RTN4RL1: variants seen among roughly 807,000 people sequenced by gnomAD.
RTN4RL1 encodes the protein reticulon 4 receptor like 1.
A neutral mutation model predicts 25.6 loss-of-function variants in RTN4RL1; 7 were observed. The ratio of observed to expected loss-of-function variants is 0.27; its 90% CI spans 0.16 to 0.51. The LOEUF is 0.51. Among genes scored for constraint, RTN4RL1 ranks in the 20% least tolerant of loss-of-function variants. The pLI, the probability that RTN4RL1 is intolerant of heterozygous loss-of-function variation, is 0.97. For missense variants in RTN4RL1, 500 were observed against 615.6 expected (o/e 0.81, Z 1.99); for synonymous variants, 297 against 288.2 (o/e 1.03, Z -0.31).
chr17:1,989,165 G>A (rs1440327891), intron 1 of RTN4RL1, among the ~76,000 whole-genome samples: 11 of 152,116 alleles, frequency 7.2e-5, no homozygotes, highest in Admixed American at 5.2e-4. Flanking sequence ...GACGGTTAGC[G>A]GCGGCGGGGG....
At chr17:1,996,988 A>T (rs4790860) in intron 1 of RTN4RL1, among the ~76,000 whole-genome samples, 151,375 of 152,328 alleles carry the variant, frequency 0.99, 75,239 homozygotes, top group Middle Eastern at 1. Context: ...GGGACCAGCC[A>T]CCCTTGTGTA....
intron 1 of RTN4RL1, among the ~76,000 whole-genome samples, chr17:2,005,942 G>A (rs547351042): frequency 6.6e-5 from 10 of 151,096 alleles, no homozygotes; most frequent in Non-Finnish European, 1.3e-4. Context: ...GACCACCGGT[G>A]CATGCCGCCA....
intron 1 of RTN4RL1, among the ~76,000 whole-genome samples, chr17:1,986,853 C>T (rs2066889620): frequency 2.6e-5 from 4 of 152,102 alleles, no homozygotes; most frequent in Admixed American, 2.6e-4. Flanking sequence ...AGGCTCTGCC[C>T]ACCACATGAC....
intron 1 of RTN4RL1, among the ~76,000 whole-genome samples, chr17:1,979,878 G>A (rs2066859822): frequency 6.6e-6 from 1 of 152,066 alleles, no homozygotes; most frequent in Admixed American, 6.5e-5. Flanking sequence ...GCTCAGACCC[G>A]GAATTGCGTG....
chr17:1,944,602 G>A (rs1168014109), intron 1 of RTN4RL1, among the ~76,000 whole-genome samples: 1 of 151,990 alleles, frequency 6.6e-6, no homozygotes, highest in Non-Finnish European at 1.5e-5. Context: ...GATTACAGGT[G>A]CCCACCACCA....
chr17:1,939,080 C>T (rs192629272), intron 1 of RTN4RL1, among the ~76,000 whole-genome samples: 2,425 of 151,414 alleles, frequency 0.016, 38 homozygotes, highest in Non-Finnish European at 0.025. Context: ...AGGCCGGGAG[C>T]AGTGGCTCAC....
intron 1 of RTN4RL1, among the ~76,000 whole-genome samples, chr17:1,956,559 G>C (rs1172392848): frequency 6.6e-6 from 1 of 152,176 alleles, no homozygotes; most frequent in African/African-American, 2.4e-5. Flanking sequence ...AGAGACTGCA[G>C]AGTATCCCAC....
chr17:1,959,046 G>C (rs147733080), intron 1 of RTN4RL1, among the ~76,000 whole-genome samples: 5 of 152,228 alleles, frequency 3.3e-5, no homozygotes, highest in Non-Finnish European at 5.9e-5. Flanking sequence ...GCCGGTGGGC[G>C]AGCGGGAATC....
rs141073878 is a variant in RTN4RL1 at position 1,968,879 on chromosome 17, C to T, written c.14-31071G>A. Among the ~76,000 whole-genome samples the T allele has an allele frequency of 1.9e-3, 295 of 152,260 alleles. 4 individuals are homozygous for T. In the South Asian group the frequency reaches 0.023, roughly 12 times the overall value. On this transcript the variant is annotated intron_variant, in intron 1 of 1. Coordinates refer to ENST00000331238, the MANE Select transcript of RTN4RL1 (RefSeq NM_178568.4). ...TGTCAGTTTACATGTAGGTATCTAT[C>T]GCCGAGTGACAGACTAGAGGCACAA... is the stretch of plus-strand genomic sequence containing the variant.
At chr17:1,962,036 C>T (rs1333072036) in intron 1 of RTN4RL1, among the ~76,000 whole-genome samples, 1 of 150,674 alleles carries the variant, frequency 6.6e-6, no homozygotes, top group African/African-American at 2.4e-5. Flanking sequence ...AATCCCAGTG[C>T]TTTGGGAGGC....
chr17:1,945,642 C>T (rs906439414), intron 1 of RTN4RL1, among the ~76,000 whole-genome samples: 2 of 152,166 alleles, frequency 1.3e-5, no homozygotes, highest in African/African-American at 4.8e-5. Context: ...TGAGCCACCA[C>T]GCCCGGCCGC....
chr17:1,951,179 G>T (rs1915668411), intron 1 of RTN4RL1, among the ~76,000 whole-genome samples: 1 of 151,610 alleles, frequency 6.6e-6, no homozygotes, highest in South Asian at 2.1e-4. Flanking sequence ...GCAGGAGAAT[G>T]GCATGAACCT....
chr17:1,968,721 C>A (rs1232399387), intron 1 of RTN4RL1, among the ~76,000 whole-genome samples: 1 of 152,192 alleles, frequency 6.6e-6, no homozygotes, highest in Non-Finnish European at 1.5e-5. Context: ...CCCGTCCCCT[C>A]TCCCTGGGAT....
chr17:2,023,122 C>T (rs1348546118), intron 1 of RTN4RL1, among the ~76,000 whole-genome samples: 2 of 152,230 alleles, frequency 1.3e-5, no homozygotes, highest in Non-Finnish European at 2.9e-5. Flanking sequence ...ATGTCAGTTC[C>T]TCTCCATTAT....
At chr17:2,009,323 G>A (rs752172090) in intron 1 of RTN4RL1, among the ~76,000 whole-genome samples, 29 of 152,116 alleles carry the variant, frequency 1.9e-4, no homozygotes, top group Non-Finnish European at 3.2e-4. Flanking sequence ...GGCCAAGTGC[G>A]GTGGCTTACG....
At chr17:2,005,333 C>A (rs2066985735) in intron 1 of RTN4RL1, among the ~76,000 whole-genome samples, 1 of 152,180 alleles carries the variant, frequency 6.6e-6, no homozygotes. Context: ...GCATTGTCTT[C>A]TTTAATCTTC....
intron 1 of RTN4RL1, among the ~76,000 whole-genome samples, chr17:1,972,722 A>G (rs1002927998): frequency 6.6e-6 from 1 of 152,192 alleles, no homozygotes; most frequent in Admixed American, 6.5e-5. Flanking sequence ...GAGAGCAGAG[A>G]CCCATCGTCC....
intron 1 of RTN4RL1, among the ~76,000 whole-genome samples, chr17:1,975,545 G>T (rs1421786569): frequency 6.6e-6 from 1 of 152,150 alleles, no homozygotes; most frequent in Middle Eastern, 3.2e-3. Context: ...CAGCTACTCG[G>T]GAGGCTGAGG....
At chr17:1,972,770 C>T (rs528934690) in intron 1 of RTN4RL1, among the ~76,000 whole-genome samples, 9 of 152,316 alleles carry the variant, frequency 5.9e-5, no homozygotes, top group South Asian at 4.1e-4. Context: ...CTGGCATCAA[C>T]GCTAACTGTT....
Sources: allele counts gnomAD v4.1 joint callset (sites outside exome capture counted in the v4.1 genomes callset), GRCh38; gene constraint gnomAD v4.1.1; transcripts MANE v1.5; gene names NCBI Gene and HGNC (gene_info 2026-07-23, HGNC 2026-07-21).